The following CYFIP2 variants were observed in gnomAD, a reference collection of about 807,000 sequenced individuals.
The protein encoded by CYFIP2 is cytoplasmic FMR1 interacting protein 2, also known as cytoplasmic FMR1-interacting protein 2.
CYFIP2 carries 29 observed loss-of-function variants against 158.7 expected under a neutral mutation model. The ratio of observed to expected loss-of-function variants is 0.18; its 90% CI spans 0.14 to 0.25. The LOEUF (loss-of-function observed/expected upper bound fraction) is 0.25, where lower values mean the gene tolerates loss of function less well. Ranked by LOEUF, CYFIP2 falls within the 10% of genes least tolerant of loss-of-function variation. The pLI is 1.00. For missense variants in CYFIP2, 852 were observed against 1,639.5 expected (o/e 0.52, Z 8.29); for synonymous variants, 585 against 617.6 (o/e 0.95, Z 0.78).
At chr5:157,369,394 A>C (rs141583871) in intron 26 of CYFIP2, among the ~76,000 whole-genome samples, 1 of 152,304 alleles carries the variant, frequency 6.6e-6, no homozygotes, top group Non-Finnish European at 1.5e-5. Flanking sequence ...CAGGAGACAG[A>C]AGTAATAGGA....
At chr5:157,330,640 T>C (rs1761383875) in intron 19 of CYFIP2, 102 bp from the exon 20 acceptor site, 8 of 846,704 alleles carry the variant, frequency 9.4e-6, no homozygotes, top group South Asian at 8.1e-5. Context: ...TATAAGATAG[T>C]GCTCTGTGGG....
chr5:157,384,939 CAAAAAAAAAAA>C lies in CYFIP2; in HGVS notation c.3207+1594_3207+1604del, dbSNP rs34749971. 2.3e-3 allele frequency: 147 copies of C among 63,904 alleles called. 1 individual carries two copies. The South Asian group carries it at 0.027, about 12-fold the overall frequency. 4.0% of individuals were successfully genotyped at this position (63,904 alleles called of 1,614,324 possible). A position where few individuals can be genotyped will look rare whatever the true frequency, so the allele number is the denominator to read the frequency against. ...TGGGCAACAGAGCAAGACTCCATCT[CAAAAAAAAAAA>C]AAAAAAAAAAAAAGCAGCTAATGGT... On this transcript the variant is annotated intron_variant, in intron 28 of 30. Coordinates refer to ENST00000620254, the MANE Select transcript of CYFIP2 (RefSeq NM_001037333.3).
intron 21 of CYFIP2, among the ~76,000 whole-genome samples, chr5:157,338,797 G>T (rs1017569156): frequency 4.6e-5 from 7 of 152,300 alleles, no homozygotes; most frequent in African/African-American, 9.6e-5. Flanking sequence ...CTTCCAGGGG[G>T]TAGGCGTGCA....
At chr5:157,332,779 G>C (rs1390624707) in intron 20 of CYFIP2, among the ~76,000 whole-genome samples, 1 of 152,136 alleles carries the variant, frequency 6.6e-6, no homozygotes, top group Non-Finnish European at 1.5e-5. Flanking sequence ...CAAGTAGCTA[G>C]GACTACAGGC....
At chr5:157,388,121 G>A (rs1766880211) in intron 28 of CYFIP2, among the ~76,000 whole-genome samples, 1 of 152,220 alleles carries the variant, frequency 6.6e-6, no homozygotes, top group Non-Finnish European at 1.5e-5. Context: ...CTCTCAGTGT[G>A]AGAAGCCTGC....
intron 5 of CYFIP2, among the ~76,000 whole-genome samples, 179 bp from the exon 6 acceptor site, chr5:157,300,533 CAAA>C (rs72316432): frequency 1.9e-4 from 23 of 121,188 alleles, no homozygotes; most frequent in Admixed American, 2.5e-4. Flanking sequence ...GACTCCGTCT[CAAA>C]AAAAAAAAAA....
chr5:157,320,317 A>G (rs1760487809), intron 14 of CYFIP2, among the ~76,000 whole-genome samples: 1 of 152,176 alleles, frequency 6.6e-6, no homozygotes, highest in Non-Finnish European at 1.5e-5. Flanking sequence ...CACAGATTTC[A>G]TAAGACCGGT....
At chr5:157,358,977 C>A (rs1320992109) in intron 23 of CYFIP2, 28 bp from the exon 24 acceptor site, 12 of 1,613,744 alleles carry the variant, frequency 7.4e-6, no homozygotes, top group African/African-American at 4.0e-5. Flanking sequence ...TACTCAGGCA[C>A]TTATTTGCCA....
In CYFIP2 at chr5:157,361,894, G is replaced by C. The variant is rs1488307550; in HGVS notation, c.3039+296G>C. On this transcript the variant is annotated intron_variant, in intron 26 of 30. Coordinates refer to ENST00000620254, the MANE Select transcript of CYFIP2 (RefSeq NM_001037333.3). The surrounding 1 kb of genome is among the most constrained non-coding windows in gnomAD (Gnocchi z 4.4). ...CTGAGGTTTACTGCAGGAGAAAGGA[G>C]GGTGTTTATTTTCAGAGTACCAAGC... is the stretch of plus-strand genomic sequence containing the variant. 6.6e-6 allele frequency among the ~76,000 whole-genome samples: 1 copy of C among 152,166 alleles called. No homozygotes were observed. The highest frequency in any genetic ancestry group is 2.4e-5 in the African/African-American group (1 of 41,436).
At chr5:157,306,547 C>T (rs569651246) in intron 8 of CYFIP2, among the ~76,000 whole-genome samples, 2 of 152,310 alleles carry the variant, frequency 1.3e-5, no homozygotes, top group East Asian at 1.9e-4. Context: ...CACCGTGGAG[C>T]ACTGTCTGCT....
intron 20 of CYFIP2, among the ~76,000 whole-genome samples, chr5:157,331,267 G>A (rs1761437890): frequency 6.6e-6 from 1 of 151,584 alleles, no homozygotes; most frequent in Non-Finnish European, 1.5e-5. Context: ...GTAGAAATTG[G>A]GTTTTTTGTG....
chr5:157,340,516 G>A (rs1428991330), intron 22 of CYFIP2, among the ~76,000 whole-genome samples: 2 of 152,212 alleles, frequency 1.3e-5, no homozygotes. Flanking sequence ...TTGGGTGGTT[G>A]AGGGGAAAAA....
intron 26 of CYFIP2, chr5:157,365,237 G>T (rs913652094): frequency 6.6e-6 from 1 of 152,158 alleles, no homozygotes. Flanking sequence ...TTTTAAAATA[G>T]TATATGCTAG....
intron 1 of CYFIP2, among the ~76,000 whole-genome samples, chr5:157,281,476 A>G (rs1175392344): frequency 1.3e-5 from 2 of 152,208 alleles, no homozygotes; most frequent in Non-Finnish European, 2.9e-5. Flanking sequence ...TTATTTACCA[A>G]TTCTCAACAT....
chr5:157,386,581 T>C (rs1766715066), intron 28 of CYFIP2, among the ~76,000 whole-genome samples: 1 of 152,162 alleles, frequency 6.6e-6, no homozygotes, highest in African/African-American at 2.4e-5. Context: ...TTACTAAGTA[T>C]TCATCCTAAC....
intron 26 of CYFIP2, among the ~76,000 whole-genome samples, chr5:157,369,904 CAG>C (rs1764830277): frequency 2.0e-5 from 1 of 50,998 alleles, no homozygotes; most frequent in African/African-American, 1.1e-4. Context: ...TTTTTAAAGA[CAG>C]AGTCTTGCTC....
intron 21 of CYFIP2, among the ~76,000 whole-genome samples, chr5:157,337,811 A>G (rs1428431615): frequency 6.6e-6 from 1 of 152,248 alleles, no homozygotes; most frequent in Admixed American, 6.5e-5. Context: ...CTGTAAAGCC[A>G]TCTTTGCCTT....
chr5:157,342,903 C>T (rs1561747212), intron 23 of CYFIP2: 1 of 1,614,038 alleles, frequency 6.2e-7, no homozygotes. Flanking sequence ...GGGTCACCAC[C>T]CCCCCTCTGT....
intron 30 of CYFIP2, among the ~76,000 whole-genome samples, chr5:157,392,099 T>G (rs556393389): frequency 6.6e-6 from 1 of 152,376 alleles, no homozygotes; most frequent in South Asian, 2.1e-4. Context: ...TTGTCCATTT[T>G]TTTAATTGAG....
Sources: gnomAD v4.1 joint callset for allele counts (sites outside exome capture counted in the v4.1 genomes callset) on GRCh38, gnomAD v4.1.1 for gene constraint, Gnocchi (gnomAD v3.1) non-coding constraint, MANE v1.5 for transcripts, NCBI Gene and HGNC (gene_info 2026-07-23, HGNC 2026-07-21) for gene names.